The following HDAC9 variants were observed in gnomAD, a reference collection of about 807,000 sequenced individuals.
The protein encoded by HDAC9 is MEF-2 interacting transcription repressor (MITR) protein.
A neutral mutation model predicts 139.4 loss-of-function variants in HDAC9; 41 were observed. The observed-to-expected ratio is 0.29, with a 90% CI of 0.23 to 0.38. HDAC9 has a LOEUF of 0.38. HDAC9 is among the 10% of genes least tolerant of loss of function. The probability of loss-of-function intolerance (pLI) is 1.00; values close to 1 mark genes in which losing one functional copy is unlikely to be tolerated. For synonymous variants in HDAC9, 517 were observed against 476.2 expected (o/e 1.09, Z -1.12); for missense variants, 1,147 against 1,297.0 (o/e 0.88, Z 1.78).
intron 6 of HDAC9, among the ~76,000 whole-genome samples, chr7:18,606,286 T>C (rs894704218): frequency 5.9e-5 from 9 of 152,208 alleles, no homozygotes; most frequent in Non-Finnish European, 1.3e-4. Flanking sequence ...TCTTCACATG[T>C]GGAAATGAAA....
At chr7:18,822,261 C>A (rs902003620) in intron 17 of HDAC9, among the ~76,000 whole-genome samples, 3 of 152,160 alleles carry the variant, frequency 2.0e-5, no homozygotes, top group Admixed American at 6.5e-5. Flanking sequence ...TCCAGGAGCC[C>A]CCAGCCCCCA....
intron 6 of HDAC9, among the ~76,000 whole-genome samples, chr7:18,604,542 G>A (rs569760654): frequency 5.9e-5 from 9 of 151,884 alleles, no homozygotes; most frequent in African/African-American, 1.9e-4. Flanking sequence ...GAGAAGCTGG[G>A]ACCACCACCA....
chr7:18,576,945 AAG>A (rs142999008), intron 2 of HDAC9, among the ~76,000 whole-genome samples: 8 of 151,350 alleles, frequency 5.3e-5, no homozygotes, highest in East Asian at 3.9e-4. Context: ...GAGAGAGAAA[AAG>A]AGAGAGAGAG....
chr7:18,437,912 C>CCA (rs577859178), intron 1 of HDAC9, among the ~76,000 whole-genome samples: 11 of 150,766 alleles, frequency 7.3e-5, no homozygotes, highest in Non-Finnish European at 1.6e-4. Flanking sequence ...CACACATGCA[C>CCA]CACACACACA....
At chr7:18,579,739 A>G (rs1259928616) in intron 2 of HDAC9, among the ~76,000 whole-genome samples, 3 of 152,138 alleles carry the variant, frequency 2.0e-5, no homozygotes, top group African/African-American at 4.8e-5. Context: ...TCAGTGGAAA[A>G]CTTAACTAAA....
chr7:18,302,446 G>T (rs1310013510), intron 1 of HDAC9, among the ~76,000 whole-genome samples: 1 of 152,210 alleles, frequency 6.6e-6, no homozygotes, highest in Middle Eastern at 3.2e-3. Context: ...AAGGGCGTTA[G>T]TCTTGGAGCC....
chr7:18,602,642 AT>A (rs1834293565), intron 6 of HDAC9, among the ~76,000 whole-genome samples: 1 of 151,534 alleles, frequency 6.6e-6, no homozygotes, highest in Non-Finnish European at 1.5e-5. Context: ...GATAAGTTGT[AT>A]TTTCATTTTC....
intron 1 of HDAC9, among the ~76,000 whole-genome samples, chr7:18,322,370 C>T (rs543811048): frequency 6.6e-6 from 1 of 152,212 alleles, no homozygotes; most frequent in Non-Finnish European, 1.5e-5. Flanking sequence ...TCTAAGCTAT[C>T]ACAGAGTAAC....
chr7:18,099,382 C>T (rs1211382190), intron 1 of HDAC9, among the ~76,000 whole-genome samples: 4 of 151,966 alleles, frequency 2.6e-5, no homozygotes, highest in African/African-American at 4.8e-5. Flanking sequence ...GCAGGAGAAT[C>T]GTTTGGACCC....
Position 18,240,549 on chromosome 7 carries a change from A to G in HDAC9, c.25+78200A>G, listed in dbSNP as rs1029250749. Among the ~76,000 whole-genome samples, 3 of 152,154 alleles carry G rather than the reference A, an allele frequency of 2.0e-5. No individual in the cohort carries two copies. The East Asian group carries it at 5.8e-4, about 29-fold the overall frequency. On this transcript the variant is annotated intron_variant, in intron 2 of 12. Transcript: ENST00000417496. ...GAAAAAAATATCTGCCTGGACTCTC[A>G]CAGTCGTCTCCTAATTTATCTTTCT...
chr7:18,266,968 A>C (rs1211285653), intron 2 of HDAC9, among the ~76,000 whole-genome samples: 1 of 152,094 alleles, frequency 6.6e-6, no homozygotes, highest in Non-Finnish European at 1.5e-5. Flanking sequence ...ACTGAGAAAA[A>C]AAAATTACAA....
chr7:18,594,673 C>T (rs1028102857), intron 6 of HDAC9, among the ~76,000 whole-genome samples: 8 of 152,132 alleles, frequency 5.3e-5, no homozygotes, highest in Admixed American at 4.6e-4. Flanking sequence ...GTTCCATCTT[C>T]ATCTCCTTTC....
chr7:18,817,352 T>C (rs2129195973), intron 17 of HDAC9, among the ~76,000 whole-genome samples: 1 of 152,238 alleles, frequency 6.6e-6, no homozygotes, highest in Non-Finnish European at 1.5e-5. Context: ...TTATTTATAT[T>C]GTAAGGCCTG....
At chr7:18,904,860 C>A (rs1347702198) in intron 22 of HDAC9, among the ~76,000 whole-genome samples, 2 of 151,850 alleles carry the variant, frequency 1.3e-5, no homozygotes, top group African/African-American at 4.8e-5. Flanking sequence ...CAGGCATGAG[C>A]CGCCGTGCCC....
At chr7:18,942,771 G>A (rs1782108394) in intron 23 of HDAC9, among the ~76,000 whole-genome samples, 1 of 151,852 alleles carries the variant, frequency 6.6e-6, no homozygotes, top group Non-Finnish European at 1.5e-5. Flanking sequence ...AGGCCATGGT[G>A]GGAATATTTA....
intron 1 of HDAC9, among the ~76,000 whole-genome samples, chr7:18,425,049 A>G (rs931601347): frequency 6.6e-6 from 1 of 152,170 alleles, no homozygotes; most frequent in African/African-American, 2.4e-5. Flanking sequence ...GGAGAGGTAT[A>G]TGAAAATATT....
chr7:18,490,396 A>G (rs746268886), intron 1 of HDAC9, among the ~76,000 whole-genome samples: 1 of 152,042 alleles, frequency 6.6e-6, no homozygotes, highest in Non-Finnish European at 1.5e-5. Context: ...GTTATTTTCA[A>G]TCACTGCAAG....
At chr7:18,798,643 G>A (rs1793013183) in intron 17 of HDAC9, among the ~76,000 whole-genome samples, 1 of 152,068 alleles carries the variant, frequency 6.6e-6, no homozygotes, top group African/African-American at 2.4e-5. Flanking sequence ...TAACTTACTT[G>A]CAAGGCTTTA....
chr7:18,484,881 A>C (rs1326613861), intron 1 of HDAC9, among the ~76,000 whole-genome samples: 1 of 152,034 alleles, frequency 6.6e-6, no homozygotes, highest in Admixed American at 6.6e-5. Flanking sequence ...AAACGTAAAA[A>C]ATTTTAGTTC....
Sources: allele counts gnomAD v4.1 joint callset (sites outside exome capture counted in the v4.1 genomes callset), GRCh38; gene constraint gnomAD v4.1.1; transcripts MANE v1.5; gene names NCBI Gene and HGNC (gene_info 2026-07-23, HGNC 2026-07-21).